Variants in SCG3 observed in about 807,000 individuals in gnomAD.
The protein encoded by SCG3 is secretogranin III, also known as secretogranin-3.
A neutral mutation model predicts 56.2 loss-of-function variants in SCG3; 38 were observed. The observed-to-expected ratio is 0.68, with a 90% confidence interval of 0.52 to 0.89. The LOEUF is 0.89. Ranked by LOEUF, SCG3 falls within the 40% of genes least tolerant of loss-of-function variation. The pLI, the probability that SCG3 is intolerant of heterozygous loss-of-function variation, is 0.00. For missense variants in SCG3, 524 were observed against 540.7 expected (o/e 0.97, Z 0.31); for synonymous variants, 176 against 184.2 (o/e 0.96, Z 0.36).
At chr15:51,689,626 A>G (rs2055254058) in intron 6 of SCG3, among the ~76,000 whole-genome samples, 2 of 152,016 alleles carry the variant, frequency 1.3e-5, no homozygotes, top group Admixed American at 1.3e-4. Flanking sequence ...CCCCATCTCT[A>G]CAAATAAAAA....
chr15:51,711,405 A>G (rs1384518898), intron 10 of SCG3, among the ~76,000 whole-genome samples: 1 of 152,264 alleles, frequency 6.6e-6, no homozygotes, highest in Non-Finnish European at 1.5e-5. Context: ...TTATGTAAAG[A>G]ACAAGACTAT....
At chr15:51,682,018 T>C (rs1215819474) in intron 1 of SCG3, among the ~76,000 whole-genome samples, 181 bp downstream of exon 1, 1 of 152,232 alleles carries the variant, frequency 6.6e-6, no homozygotes, top group Non-Finnish European at 1.5e-5. Context: ...TTTCTTCACT[T>C]TTAAAATGAT....
chr15:51,692,152 A>G lies in SCG3; in HGVS notation c.691-7A>G. On this transcript the variant is annotated splice_region_variant and splice_polypyrimidine_tract_variant and intron_variant, in intron 6 of 11. Transcript: ENST00000220478. Reference sequence around the variant, plus strand: ...GTTCATTTTTTATTGATTTTTCCCCACTGGAGACTCCAATGGCAGCAATTC... The same window carrying G: ...GTTCATTTTTTATTGATTTTTCCCCGCTGGAGACTCCAATGGCAGCAATTC... 6.3e-7 allele frequency: 1 copy of G among 1,599,326 alleles called. No individual in the cohort carries two copies.
intron 4 of SCG3, among the ~76,000 whole-genome samples, chr15:51,687,572 T>C (rs888490032): frequency 6.6e-6 from 1 of 152,240 alleles, no homozygotes; most frequent in African/African-American, 2.4e-5. Context: ...ATTTACATAT[T>C]GCTTTGTGCA....
At position 51,683,264 on chromosome 15, in the gene SCG3, A is replaced by T. The variant is rs767804322; in HGVS notation, c.227A>T (p.Asn76Ile). ...QSNYSFVDNL[N>I]LLKAITEKEK... ...AACTATTCTTTTGTTGATAACTTGA[A>T]CCTGCTAAAGGCAATAACAGAAAAG... Residue 76 changes from asparagine (N) to isoleucine (I), a missense_variant, in exon 4 of 12, where the codon AAC becomes ATC. Transcript: ENST00000220478. 2 of 1,613,932 alleles carry T rather than the reference A, an allele frequency of 1.2e-6. No individual in the cohort carries two copies. The highest frequency in any genetic ancestry group is 3.3e-5 in the Admixed American group (2 of 60,012).
intron 10 of SCG3, among the ~76,000 whole-genome samples, chr15:51,709,715 T>A (rs866602798): frequency 2.5e-4 from 13 of 51,008 alleles, no homozygotes; most frequent in South Asian, 8.5e-4. Flanking sequence ...TTTTTTTTTT[T>A]TTTTTTTTTT....
intron 11 of SCG3, 70 bp downstream of exon 11, chr15:51,713,483 C>A: frequency 9.4e-7 from 1 of 1,064,876 alleles, no homozygotes; most frequent in South Asian, 1.5e-5. Flanking sequence ...TATAAAAATT[C>A]CCACAGTCAA....
In SCG3 at chr15:51,681,709, C is replaced by G; in HGVS notation, c.-47C>G. 1 of 1,443,868 alleles carries G rather than the reference C, an allele frequency of 6.9e-7. No individual in the cohort carries two copies. The highest frequency in any genetic ancestry group is 9.7e-7 in the Non-Finnish European group (1 of 1,026,662). 89.4% of individuals were successfully genotyped at this position (1,443,868 alleles called of 1,614,324 possible). A position where few individuals can be genotyped will look rare whatever the true frequency, so the allele number is the denominator to read the frequency against. ...TTTTCATTCATAACAAAAGCTACAG[C>G]TCCAGGAGCCCAGCGCCGGGCTGTG... On this transcript the variant is annotated 5_prime_UTR_variant, in exon 1 of 12. Transcript: ENST00000220478.
chr15:51,701,266 G>C lies in SCG3; in HGVS notation c.1207+22G>C. On this transcript the variant is annotated intron_variant, in intron 10 of 11. Coordinates refer to ENST00000220478, the MANE Select transcript of SCG3 (RefSeq NM_013243.4). ...AAAGGTATGGGATTGACAGCTCTAG[G>C]TTAGCAATGAAATTGGGAAAGCAAA... 3 of 1,544,746 alleles carry C rather than the reference G, an allele frequency of 1.9e-6. No individual in the cohort carries two copies. In the East Asian group the frequency reaches 6.8e-5, roughly 35 times the overall value.
In SCG3 at chr15:51,714,781, A is replaced by T. The variant is rs986172338; in HGVS notation, c.1288+1368A>T. 3.3e-5 allele frequency among the ~76,000 whole-genome samples: 5 copies of T among 152,336 alleles called. No homozygotes were observed. In the East Asian group the frequency reaches 9.6e-4, roughly 29 times the overall value. ...GCACCCTGGTAGCTTAGGTCTTCTA[A>T]GTTGAGTGATGATGGCAATAATTAT... On this transcript the variant is annotated intron_variant, in intron 11 of 11. Transcript: ENST00000220478.
At chr15:51,688,231 T>C (rs775450099) in intron 4 of SCG3, 29 bp from the exon 5 acceptor site, 2 of 1,597,350 alleles carry the variant, frequency 1.3e-6, no homozygotes, top group African/African-American at 1.3e-5. Flanking sequence ...ATGATCACTA[T>C]GGTGTGAAGT....
Position 51,681,576 on chromosome 15 carries a change from C to T in SCG3, c.-180C>T. On this transcript the variant is annotated 5_prime_UTR_variant, in exon 1 of 12. Coordinates refer to ENST00000220478, the MANE Select transcript of SCG3 (RefSeq NM_013243.4). ...AGACTTGACTCCCGCGCGCCCCAAC[C>T]CTGCTTATCCCTTGACCGTCGAGTG... 1.7e-6 allele frequency: 1 copy of T among 599,094 alleles called. No homozygotes were observed. The highest frequency in any genetic ancestry group is 2.0e-5 in the South Asian group (1 of 50,434). The allele number at this position is 599,094 out of a possible 1,614,324, so 37.1% of individuals were successfully genotyped here.
intron 4 of SCG3, among the ~76,000 whole-genome samples, 164 bp downstream of exon 4, chr15:51,683,598 G>C (rs1041958436): frequency 1.6e-4 from 25 of 151,958 alleles, no homozygotes; most frequent in Non-Finnish European, 1.6e-4. Context: ...TAGAGCCCCA[G>C]CTCCACAGAG....
intron 7 of SCG3, among the ~76,000 whole-genome samples, chr15:51,694,115 A>G (rs543641148): frequency 4.6e-5 from 7 of 151,684 alleles, no homozygotes; most frequent in Non-Finnish European, 1.0e-4. Flanking sequence ...CCCTCACCTC[A>G]TTTCTTATTG....
rs554129482 is a variant in SCG3 at position 51,685,406 on chromosome 15, T to A, written c.397+1972T>A. Among the ~76,000 whole-genome samples the A allele has an allele frequency of 1.3e-5, 2 of 152,338 alleles. 1 individual carries two copies. Among genetic ancestry groups the A allele is most frequent in the South Asian group, 4.1e-4 (2 of 4,824 alleles). On this transcript the variant is annotated intron_variant, in intron 4 of 11. Transcript: ENST00000220478. Reference sequence around the variant, plus strand: ...ATCTGTTTTTGATCTGACCGCTAATTTGAGCAACTAATTTTTTAACTGTTC... The same window carrying A: ...ATCTGTTTTTGATCTGACCGCTAATATGAGCAACTAATTTTTTAACTGTTC...
Position 51,689,375 on chromosome 15 carries a change from A to G in SCG3, c.690+7A>G, listed in dbSNP as rs1259255885. ...AAAAATACCAGAGAAAGTGGTATGT[A>G]TGTGTATATATGCATATGCATGGGG... On this transcript the variant is annotated splice_region_variant and intron_variant, in intron 6 of 11. Coordinates refer to ENST00000220478, the MANE Select transcript of SCG3 (RefSeq NM_013243.4). The G allele has an allele frequency of 1.2e-6, 2 of 1,605,640 alleles. No individual in the cohort carries two copies. Among genetic ancestry groups the G allele is most frequent in the Non-Finnish European group, 1.7e-6 (2 of 1,175,894 alleles).
chr15:51,700,133 G>A (rs1468416615), intron 9 of SCG3, among the ~76,000 whole-genome samples: 1 of 151,954 alleles, frequency 6.6e-6, no homozygotes, highest in Non-Finnish European at 1.5e-5. Flanking sequence ...TTTAAAATAT[G>A]TTTTCAAGCA....
At chr15:51,708,635 C>A (rs1222950186) in intron 10 of SCG3, among the ~76,000 whole-genome samples, 2 of 152,180 alleles carry the variant, frequency 1.3e-5, no homozygotes, top group Non-Finnish European at 2.9e-5. Context: ...GAGGGCAGAT[C>A]ACGAGGTCAG....
chr15:51,704,764 C>CATATATATATATAT (rs56192434), intron 10 of SCG3, among the ~76,000 whole-genome samples: 3,414 of 66,594 alleles, frequency 0.051, 517 homozygotes, highest in Non-Finnish European at 0.088. Flanking sequence ...GTGAGTAATA[C>CATATATATATATAT]ATATATATAT....
Sources: gnomAD v4.1 joint callset for allele counts (sites outside exome capture counted in the v4.1 genomes callset) on GRCh38, gnomAD v4.1.1 for gene constraint, MANE v1.5 for transcripts, NCBI Gene and HGNC (gene_info 2026-07-23, HGNC 2026-07-21) for gene names.